Variants in MARCHF1 observed in about 807,000 individuals in gnomAD.
MARCHF1 encodes the protein E3 ubiquitin-protein ligase MARCHF1.
A neutral mutation model predicts 54.2 loss-of-function variants in MARCHF1; 40 were observed. The observed-to-expected ratio is 0.74, with a 90% confidence interval of 0.57 to 0.96. MARCHF1 has a LOEUF of 0.96. Ranked by LOEUF, MARCHF1 falls within the 40% of genes least tolerant of loss-of-function variation. The probability of loss-of-function intolerance (pLI) is 0.00; values close to 1 mark genes in which losing one functional copy is unlikely to be tolerated. For synonymous variants in MARCHF1, 236 were observed against 236.3 expected, an observed-to-expected ratio of 1.00 and a Z score of 0.01; for missense variants, 586 against 656.5, an observed-to-expected ratio of 0.89 and a Z score of 1.17.
intron 2 of MARCHF1, among the ~76,000 whole-genome samples, chr4:164,032,825 G>A (rs1457593316): frequency 2.6e-5 from 4 of 151,834 alleles, no homozygotes; most frequent in African/African-American, 4.8e-5. Context: ...ATATGGGACC[G>A]AAAAAGAGCC....
chr4:163,986,249 C>CTTCTTTTTTTTTTTT (rs1752864721), intron 3 of MARCHF1, among the ~76,000 whole-genome samples: 1 of 28,830 alleles, frequency 3.5e-5, no homozygotes, highest in Non-Finnish European at 7.7e-5. Context: ...TTAACCTCTT[C>CTTCTTTTTTTTTTTT]TTTTTTTTTT....
intron 2 of MARCHF1, among the ~76,000 whole-genome samples, chr4:164,100,770 G>C (rs574108120): frequency 2.4e-4 from 37 of 152,332 alleles, no homozygotes; most frequent in African/African-American, 7.0e-4. Context: ...CAAGATGGCC[G>C]AATAGGAACA....
At chr4:163,678,418 A>G (rs976078417) in intron 5 of MARCHF1, among the ~76,000 whole-genome samples, 4 of 152,216 alleles carry the variant, frequency 2.6e-5, no homozygotes, top group Admixed American at 2.6e-4. Context: ...TGTAACCAAG[A>G]CTAAATTGAA....
intron 1 of MARCHF1, among the ~76,000 whole-genome samples, chr4:164,376,791 G>C (rs1731205995): frequency 6.6e-6 from 1 of 152,200 alleles, no homozygotes; most frequent in South Asian, 2.1e-4. Flanking sequence ...CTCAGCGCAA[G>C]CTTGAGATGG....
At chr4:163,793,673 T>A (rs1471115672) in intron 4 of MARCHF1, among the ~76,000 whole-genome samples, 1 of 152,112 alleles carries the variant, frequency 6.6e-6, no homozygotes, top group Non-Finnish European at 1.5e-5. Context: ...GCCTGGTAGT[T>A]AAAGATTGAC....
intron 1 of MARCHF1, among the ~76,000 whole-genome samples, chr4:164,234,452 C>T (rs1732493152): frequency 2.6e-5 from 4 of 151,828 alleles, no homozygotes; most frequent in Admixed American, 1.3e-4. Flanking sequence ...TAATATAAGA[C>T]CTTGTTTTAT....
chr4:163,958,689 G>T (rs1035696337), intron 3 of MARCHF1, among the ~76,000 whole-genome samples: 8 of 151,294 alleles, frequency 5.3e-5, no homozygotes, highest in African/African-American at 1.9e-4. Context: ...TTTTTATATT[G>T]CTTAGTTGGC....
chr4:163,971,566 G>A (rs1752547431), intron 3 of MARCHF1, among the ~76,000 whole-genome samples: 1 of 152,216 alleles, frequency 6.6e-6, no homozygotes, highest in African/African-American at 2.4e-5. Context: ...AATGGAGTAA[G>A]TGTTTGAGGC....
At chr4:163,578,288 C>T (rs1231466204) in intron 8 of MARCHF1, among the ~76,000 whole-genome samples, 5 of 152,152 alleles carry the variant, frequency 3.3e-5, no homozygotes, top group African/African-American at 9.6e-5. Context: ...AATAGCAACA[C>T]AAGGTGACAT....
chr4:163,610,162 G>A (rs1422900357), intron 7 of MARCHF1, among the ~76,000 whole-genome samples: 1 of 151,846 alleles, frequency 6.6e-6, no homozygotes, highest in Non-Finnish European at 1.5e-5. Flanking sequence ...AAATCCTGCA[G>A]TATTCCTTTT....
intron 5 of MARCHF1, among the ~76,000 whole-genome samples, chr4:163,631,549 TG>T (rs1742082531): frequency 6.6e-6 from 1 of 152,152 alleles, no homozygotes; most frequent in Non-Finnish European, 1.5e-5. Flanking sequence ...TCAGGAACAG[TG>T]CCAAAAAATA....
intron 4 of MARCHF1, among the ~76,000 whole-genome samples, chr4:163,793,702 T>C (rs1375829166): frequency 6.6e-6 from 1 of 152,204 alleles, no homozygotes; most frequent in Non-Finnish European, 1.5e-5. Flanking sequence ...TAATCAGTTA[T>C]GTTATCTATA....
intron 1 of MARCHF1, among the ~76,000 whole-genome samples, chr4:164,262,485 C>G (rs1210818657): frequency 1.3e-5 from 2 of 152,212 alleles, no homozygotes; most frequent in African/African-American, 4.8e-5. Context: ...GTGACTACCA[C>G]TGCACTTTGT....
At chr4:164,311,497 ATGACCATCTGTCCAAAC>A (rs1734849136) in intron 1 of MARCHF1, among the ~76,000 whole-genome samples, 1 of 152,332 alleles carries the variant, frequency 6.6e-6, no homozygotes, top group Middle Eastern at 3.4e-3. Context: ...AACCTTTCCA[ATGACCATCTGTCCAAAC>A]TGTGTGTTGA....
intron 7 of MARCHF1, among the ~76,000 whole-genome samples, chr4:163,599,464 C>T (rs1002221181): frequency 6.6e-6 from 1 of 151,788 alleles, no homozygotes; most frequent in Non-Finnish European, 1.5e-5. Flanking sequence ...CACGTATGTG[C>T]ATATTTAATT....
intron 4 of MARCHF1, among the ~76,000 whole-genome samples, chr4:163,776,867 T>C (rs960519545): frequency 6.6e-6 from 1 of 152,206 alleles, no homozygotes; most frequent in African/African-American, 2.4e-5. Context: ...ATATTCAAAT[T>C]AACATGTAGA....
At chr4:163,856,808 C>G (rs111931218) in intron 3 of MARCHF1, among the ~76,000 whole-genome samples, 2,020 of 152,032 alleles carry the variant, frequency 0.013, 41 homozygotes, top group East Asian at 0.074. Flanking sequence ...CTCAGGGGTT[C>G]AAGATCAGCC....
intron 1 of MARCHF1, among the ~76,000 whole-genome samples, chr4:164,348,575 G>C (rs1730183420): frequency 6.6e-6 from 1 of 152,110 alleles, no homozygotes; most frequent in African/African-American, 2.4e-5. Flanking sequence ...TTCTAAGAAG[G>C]CTTAGAGACA....
intron 3 of MARCHF1, among the ~76,000 whole-genome samples, chr4:163,877,072 G>A (rs1329853778): frequency 6.6e-6 from 1 of 152,050 alleles, no homozygotes; most frequent in Non-Finnish European, 1.5e-5. Flanking sequence ...TATCTCCACA[G>A]GTTTCTGAAT....
Sources: gnomAD v4.1 joint callset for allele counts (sites outside exome capture counted in the v4.1 genomes callset) on GRCh38, gnomAD v4.1.1 for gene constraint, MANE v1.5 for transcripts, NCBI Gene and HGNC (gene_info 2026-07-23, HGNC 2026-07-21) for gene names.